The following TNKS variants were observed in gnomAD, a reference collection of about 807,000 sequenced individuals.
TNKS encodes poly [ADP-ribose] polymerase tankyrase-1.
A neutral mutation model predicts 135.8 loss-of-function variants in TNKS; 72 were observed. The ratio of observed to expected loss-of-function variants is 0.53; its 90% CI spans 0.44 to 0.64. The LOEUF (loss-of-function observed/expected upper bound fraction) is 0.64. Ranked by LOEUF, TNKS falls within the 30% of genes least tolerant of loss-of-function variation. The pLI, the probability that TNKS is intolerant of heterozygous loss-of-function variation, is 0.00. For missense variants in TNKS, 1,769 were observed against 1,674.0 expected (o/e 1.06, Z -0.99); for synonymous variants, 849 against 649.3 (o/e 1.31, Z -4.68).
chr8:9,625,345 ATTTC>A (rs984628875), intron 3 of TNKS, among the ~76,000 whole-genome samples: 19 of 151,360 alleles, frequency 1.3e-4, no homozygotes, highest in South Asian at 8.4e-4. Flanking sequence ...TCAAATAACC[ATTTC>A]TTTATTTCAT....
chr8:9,682,257 A>G lies in TNKS; in HGVS notation c.1107+1457A>G, dbSNP rs534303965. 3.3e-5 allele frequency among the ~76,000 whole-genome samples: 5 copies of G among 152,212 alleles called. No homozygotes were observed. The East Asian group carries it at 9.6e-4, about 29-fold the overall frequency. The stretch of plus-strand genomic sequence containing the variant: ...GCCCGGCCTACGTCACTTTTCTATA[A>G]CTGTTTTAATACTACAGAACTTATG... On this transcript the variant is annotated intron_variant, in intron 5 of 26. Coordinates refer to ENST00000310430, the MANE Select transcript of TNKS (RefSeq NM_003747.3).
At chr8:9,574,378 C>G (rs1396366517) in intron 1 of TNKS, among the ~76,000 whole-genome samples, 1 of 152,170 alleles carries the variant, frequency 6.6e-6, no homozygotes, top group Non-Finnish European at 1.5e-5. Flanking sequence ...TGCTTTATAA[C>G]CTATCCATTT....
In TNKS at chr8:9,615,673, T is replaced by C; in HGVS notation, c.990T>C (p.Leu330=). The C allele has an allele frequency of 1.2e-6, 2 of 1,610,618 alleles. No homozygotes were observed. The highest frequency in any genetic ancestry group is 1.7e-6 in the Non-Finnish European group (2 of 1,177,980). ...CAGATCCTTCAGCAAAAGCTGTCCT[T>C]ACAGGTAAGAAGACAGAGAGCTACC... is the stretch of plus-strand genomic sequence containing the variant. ...DLADPSAKAV[L]TGEYKKDELL... is the part of the protein sequence containing the mutation. The change falls in exon 3 of 27, where the codon CTT becomes CTC. Residue 330 remains leucine, a synonymous_variant. Coordinates refer to ENST00000310430, the MANE Select transcript of TNKS (RefSeq NM_003747.3).
intron 5 of TNKS, among the ~76,000 whole-genome samples, chr8:9,695,797 A>G (rs1803485579): frequency 6.6e-6 from 1 of 152,194 alleles, no homozygotes; most frequent in Non-Finnish European, 1.5e-5. Context: ...TCCAAGAGAA[A>G]TAGTCTGATG....
At chr8:9,759,798 C>T (rs1464870411) in intron 20 of TNKS, among the ~76,000 whole-genome samples, 2 of 151,954 alleles carry the variant, frequency 1.3e-5, no homozygotes, top group African/African-American at 4.8e-5. Context: ...CACGGTGAAA[C>T]CCCATCTCTA....
At position 9,735,565 on chromosome 8, in the gene TNKS, C is replaced by T. The variant is rs531172330; in HGVS notation, c.2643+79C>T. On this transcript the variant is annotated intron_variant, in intron 17 of 26. Transcript: ENST00000310430. The stretch of plus-strand genomic sequence containing the variant: ...CCTGTAATCCCAGCACTTTAGGAGG[C>T]CGAGGAAGGTAGATCACGAGGTCAG... The T allele has an allele frequency of 1.2e-5, 13 of 1,121,620 alleles. No homozygotes were observed. In the African/African-American group the frequency reaches 1.7e-4, roughly 15 times the overall value. The allele number at this position is 1,121,620 out of a possible 1,614,324, so 69.5% of individuals were successfully genotyped here.
intron 25 of TNKS, among the ~76,000 whole-genome samples, chr8:9,767,183 C>G (rs1478924873): frequency 6.6e-6 from 1 of 152,102 alleles, no homozygotes; most frequent in Non-Finnish European, 1.5e-5. Flanking sequence ...ATATAATTAG[C>G]CTTGGCAACT....
At chr8:9,630,652 A>T (rs879853710) in intron 3 of TNKS, among the ~76,000 whole-genome samples, 1 of 152,220 alleles carries the variant, frequency 6.6e-6, no homozygotes, top group African/African-American at 2.4e-5. Context: ...AGAGTATGCA[A>T]TGTCTGGCCC....
At chr8:9,694,421 A>G (rs1357417184) in intron 5 of TNKS, among the ~76,000 whole-genome samples, 2 of 152,204 alleles carry the variant, frequency 1.3e-5, no homozygotes, top group Non-Finnish European at 2.9e-5. Context: ...GTGTAAGAGT[A>G]AAAGATCGTG....
intron 2 of TNKS, among the ~76,000 whole-genome samples, chr8:9,589,228 G>C (rs866963394): frequency 3.9e-5 from 6 of 152,180 alleles, no homozygotes; most frequent in Admixed American, 3.3e-4. Flanking sequence ...ACTAGAAGCA[G>C]GACATACATT....
intron 3 of TNKS, among the ~76,000 whole-genome samples, chr8:9,649,009 A>G (rs937429836): frequency 6.6e-6 from 1 of 152,176 alleles, no homozygotes; most frequent in Non-Finnish European, 1.5e-5. Context: ...ATACATAAAC[A>G]GGATTAGTAA....
chr8:9,629,320 A>G (rs929670283), intron 3 of TNKS, among the ~76,000 whole-genome samples: 1 of 151,372 alleles, frequency 6.6e-6, no homozygotes, highest in African/African-American at 2.4e-5. Context: ...GTAGACTAAT[A>G]GCTGATAGCC....
intron 3 of TNKS, among the ~76,000 whole-genome samples, chr8:9,675,207 C>G (rs894117593): frequency 3.3e-5 from 5 of 152,268 alleles, no homozygotes; most frequent in Admixed American, 2.6e-4. Context: ...TTCAAATCTA[C>G]TAGTGAAAAC....
At chr8:9,602,741 GA>G (rs1456872661) in intron 2 of TNKS, among the ~76,000 whole-genome samples, 1 of 152,152 alleles carries the variant, frequency 6.6e-6, no homozygotes, top group Non-Finnish European at 1.5e-5. Context: ...TAGCCACATA[GA>G]AAAGAAATGT....
chr8:9,753,451 C>T (rs1331426108), intron 20 of TNKS, among the ~76,000 whole-genome samples: 2 of 152,126 alleles, frequency 1.3e-5, no homozygotes, highest in African/African-American at 4.8e-5. Flanking sequence ...ATTTTGGGAT[C>T]CATCTTAAAT....
chr8:9,556,246 C>T lies in TNKS; in HGVS notation c.307C>T (p.Pro103Ser). The T allele has an allele frequency of 1.2e-6, 2 of 1,614,238 alleles. No homozygotes were observed. Among genetic ancestry groups the T allele is most frequent in the African/African-American group, 1.3e-5 (1 of 75,064 alleles). Reference protein sequence around the residue: ...TSTICTVAAAPVVPAVSTSSA... With the variant: ...TSTICTVAAASVVPAVSTSSA... ...CACAATCTGTACCGTCGCCGCCGCT[C>T]CCGTGGTCCCAGCGGTTTCTACTTC... The change falls in exon 1 of 27, where the codon CCC becomes TCC. Residue 103 changes from proline (P) to serine (S), a missense_variant. By Grantham distance (74) the Pro-to-Ser change is moderately conservative. Coordinates refer to ENST00000310430, the MANE Select transcript of TNKS (RefSeq NM_003747.3).
chr8:9,763,728 C>A (rs1807271147), intron 22 of TNKS, among the ~76,000 whole-genome samples: 1 of 152,176 alleles, frequency 6.6e-6, no homozygotes, highest in African/African-American at 2.4e-5. Flanking sequence ...TTCTGAGCCC[C>A]TATGAAGGCT....
chr8:9,731,399 G>A (rs1487210091), intron 14 of TNKS, among the ~76,000 whole-genome samples: 3 of 139,816 alleles, frequency 2.1e-5, no homozygotes, highest in Non-Finnish European at 4.5e-5. Context: ...GGTGGAGGTT[G>A]CAGTGAGCTA....
intron 3 of TNKS, among the ~76,000 whole-genome samples, chr8:9,678,174 ACT>A (rs1802625575): frequency 1.3e-5 from 2 of 152,116 alleles, no homozygotes; most frequent in Admixed American, 1.3e-4. Flanking sequence ...AAGAAATGTG[ACT>A]CTACGAAATT....
Sources: allele counts gnomAD v4.1 joint callset (sites outside exome capture counted in the v4.1 genomes callset), GRCh38; gene constraint gnomAD v4.1.1; transcripts MANE v1.5; gene names NCBI Gene and HGNC (gene_info 2026-07-23, HGNC 2026-07-21).